Variants in FAAH2 observed in about 807,000 individuals in gnomAD.
The protein encoded by FAAH2 is fatty-acid amide hydrolase 2.
A neutral mutation model predicts 36.9 loss-of-function variants in FAAH2; 60 were observed. The observed-to-expected ratio is 1.63, with a 90% confidence interval of 1.32 to 2.02. The LOEUF is 2.02. FAAH2 is among the 30% of genes most tolerant of loss of function. The pLI is 0.00. For synonymous variants in FAAH2, 214 were observed against 143.8 expected (o/e 1.49, Z -3.49); for missense variants, 689 against 397.5 (o/e 1.73, Z -6.23).
At chrX:57,223,875 T>C in the FAAH2 span, among the ~76,000 whole-genome samples, 1 of 111,645 alleles carries the variant, frequency 9.0e-6, no homozygotes, top group Non-Finnish European at 1.9e-5. Context: ...CTCTACATCC[T>C]TAGGTATAAA....
At chrX:57,462,636 C>G (rs1434449837) in intron 10 of FAAH2, among the ~76,000 whole-genome samples, 1 of 112,299 alleles carries the variant, frequency 8.9e-6, no homozygotes, top group Non-Finnish European at 1.9e-5. Context: ...TCTAAATAAA[C>G]TAGGTATTGA....
intron 7 of FAAH2, chrX:57,394,526 T>C (rs1036416068): frequency 8.6e-5 from 104 of 1,206,772 alleles, no homozygotes; most frequent in Non-Finnish European, 1.2e-4. Context: ...AAGGTTGTTA[T>C]ACTGAATCAT....
chrX:57,178,775 A>T, the FAAH2 span, among the ~76,000 whole-genome samples: 1 of 111,979 alleles, frequency 8.9e-6, no homozygotes, highest in Non-Finnish European at 1.9e-5. Context: ...TGTACTTGAC[A>T]AGACAGGTCT....
chrX:57,393,906 C>T (rs999000829), intron 7 of FAAH2: 5 of 1,043,113 alleles, frequency 4.8e-6, no homozygotes, highest in Non-Finnish European at 6.7e-6. Flanking sequence ...CTGTTTATCT[C>T]TTCATCTGTC....
chrX:57,157,169 G>A, the FAAH2 span, among the ~76,000 whole-genome samples: 1 of 111,697 alleles, frequency 9.0e-6, no homozygotes, highest in Non-Finnish European at 1.9e-5. Context: ...CAAGTGGAAA[G>A]AGTCTTTCTC....
the FAAH2 span, among the ~76,000 whole-genome samples, chrX:57,180,429 A>G: frequency 8.9e-6 from 1 of 111,852 alleles, no homozygotes; most frequent in Non-Finnish European, 1.9e-5. Context: ...AAGAAGTATT[A>G]CCAATAAACA....
Position 57,341,372 on chromosome X carries a change from G to A in FAAH2, c.724G>A (p.Gly242Arg), listed in dbSNP as rs766737067. Residue 242 changes from glycine to arginine, a missense_variant, in exon 5 of 11, where the codon GGA becomes AGA. Transcript: ENST00000374900. ...GCCTGCTTTCTTCAATGGTATATTT[G>A]GACACAAGCCTTCTCCAGGTAATGT... The part of the protein sequence containing the change: ...RMPAFFNGIF[G>R]HKPSPGVVPN... 1 of 1,208,943 alleles carries A rather than the reference G, an allele frequency of 8.3e-7. No homozygotes were observed. Among genetic ancestry groups the A allele is most frequent in the Non-Finnish European group, 1.1e-6 (1 of 894,084 alleles).
At chrX:57,248,355 T>C in the FAAH2 span, among the ~76,000 whole-genome samples, 3 of 111,420 alleles carry the variant, frequency 2.7e-5, no homozygotes, top group South Asian at 1.1e-3. Flanking sequence ...CTGCTAGGAG[T>C]AAGGTTAGGC....
chrX:57,337,268 GAA>G (rs35462646), intron 4 of FAAH2, among the ~76,000 whole-genome samples: 12 of 60,495 alleles, frequency 2.0e-4, no homozygotes, highest in Admixed American at 4.0e-4. Flanking sequence ...CCTACCAATC[GAA>G]AAAAAAAAAA....
the FAAH2 span, among the ~76,000 whole-genome samples, chrX:57,264,081 C>T: frequency 9.0e-6 from 1 of 111,706 alleles, no homozygotes; most frequent in East Asian, 2.8e-4. Context: ...TTAATGCAAA[C>T]TGGATTACAG....
intron 10 of FAAH2, among the ~76,000 whole-genome samples, chrX:57,458,802 C>T (rs1322026825): frequency 1.8e-5 from 2 of 112,214 alleles, no homozygotes; most frequent in African/African-American, 6.5e-5. Flanking sequence ...ACTATGCTTT[C>T]CCCACAGGTT....
At chrX:57,253,576 A>C in the FAAH2 span, among the ~76,000 whole-genome samples, 1 of 112,103 alleles carries the variant, frequency 8.9e-6, no homozygotes, top group Admixed American at 9.5e-5. Context: ...ATCTCTTGGC[A>C]GAAACCCTAA....
intron 9 of FAAH2, among the ~76,000 whole-genome samples, chrX:57,447,516 G>T (rs2056700634): frequency 8.9e-6 from 1 of 112,189 alleles, no homozygotes; most frequent in East Asian, 2.8e-4. Flanking sequence ...GCACACCTCT[G>T]TCTGGGCAGT....
chrX:57,162,442 A>G, the FAAH2 span, among the ~76,000 whole-genome samples: 1 of 111,884 alleles, frequency 8.9e-6, no homozygotes, highest in African/African-American at 3.2e-5. Context: ...CCTGGATAAT[A>G]TCCTGCAGCG....
intron 5 of FAAH2, among the ~76,000 whole-genome samples, chrX:57,350,819 C>T (rs924287696): frequency 9.1e-6 from 1 of 110,380 alleles, no homozygotes; most frequent in Non-Finnish European, 1.9e-5. Flanking sequence ...ATGTATTTAC[C>T]CAACATTGGA....
intron 7 of FAAH2, among the ~76,000 whole-genome samples, chrX:57,391,689 A>AT (rs1468746905): frequency 3.6e-5 from 4 of 110,581 alleles, no homozygotes; most frequent in Non-Finnish European, 7.6e-5. Context: ...CTATGTCTCC[A>AT]TTTTTTTACC....
chrX:57,405,606 C>T (rs1424424289), intron 7 of FAAH2, among the ~76,000 whole-genome samples: 1 of 107,406 alleles, frequency 9.3e-6, no homozygotes, highest in African/African-American at 3.4e-5. Context: ...TCAGCTCCAG[C>T]GGTATATCAG....
intron 7 of FAAH2, 33 bp from the exon 8 acceptor site, chrX:57,431,885 T>C (rs764968797): frequency 4.5e-5 from 51 of 1,127,076 alleles, no homozygotes; most frequent in Non-Finnish European, 5.9e-5. Flanking sequence ...CTTCTCATCA[T>C]GTTTGTCTGT....
At chrX:57,441,456 A>G (rs1382193750) in intron 8 of FAAH2, among the ~76,000 whole-genome samples, 2 of 110,662 alleles carry the variant, frequency 1.8e-5, no homozygotes, top group Non-Finnish European at 3.8e-5. Context: ...TATACCCTTT[A>G]TCATTTTTTA....
Sources: allele counts gnomAD v4.1 joint callset (sites outside exome capture counted in the v4.1 genomes callset), GRCh38; gene constraint gnomAD v4.1.1; transcripts MANE v1.5; gene names NCBI Gene and HGNC (gene_info 2026-07-23, HGNC 2026-07-21).